PSMC5: variants seen among roughly 807,000 people sequenced by gnomAD.
The protein encoded by PSMC5 is proteasome 26S subunit, ATPase 5.
Under a neutral mutation model 49.1 loss-of-function variants are expected in PSMC5, and 11 were observed. That is an observed-to-expected ratio of 0.22 (90% CI 0.14 to 0.37). The LOEUF (loss-of-function observed/expected upper bound fraction) is 0.37, where lower values mean the gene tolerates loss of function less well. PSMC5 is among the 10% of genes least tolerant of loss of function. The pLI is 1.00. For synonymous variants in PSMC5, 206 were observed against 192.2 expected (o/e 1.07, Z -0.59); for missense variants, 229 against 520.9 (o/e 0.44, Z 5.45).
chr17:63,830,695 C>CTTTTTTTT lies in PSMC5; in HGVS notation c.553-109_553-102dup. Reference sequence around the variant, plus strand: ...TTGGATAGAAGGGACCTTGATGTTCCTTTTTTTTTTTTGTATCCCTAACAT... The same window carrying CTTTTTTTT: ...TTGGATAGAAGGGACCTTGATGTTCCTTTTTTTTTTTTTTTTTTTTGTATCCCTAACAT... On this transcript the variant is annotated intron_variant, in intron 6 of 11. Transcript: ENST00000310144. This position sits in a 1 kb window ranked among gnomAD's most constrained non-coding sequence, Gnocchi z 4.0. 4 of 1,243,506 alleles carry CTTTTTTTT rather than the reference C, an allele frequency of 3.2e-6. No individual in the cohort carries two copies. In the African/African-American group the frequency reaches 6.4e-5, roughly 20 times the overall value. 77.0% of individuals were successfully genotyped at this position (1,243,506 alleles called of 1,614,324 possible). A position where few individuals can be genotyped will look rare whatever the true frequency, so the allele number is the denominator to read the frequency against.
Position 63,830,012 on chromosome 17 carries a change from T to C in PSMC5, c.264+63T>C. The C allele has an allele frequency of 1.9e-6, 3 of 1,565,560 alleles. No individual in the cohort carries two copies. The highest frequency in any genetic ancestry group is 1.8e-5 in the Admixed American group (1 of 56,762). ...CACTGCATTCCCACCCCTTTGTGTG[T>C]AGCCTCGGGAGACAGGGTTCTGTGT... On this transcript the variant is annotated intron_variant, in intron 4 of 11. Coordinates refer to ENST00000310144, the MANE Select transcript of PSMC5 (RefSeq NM_002805.6). This position sits in a 1 kb window ranked among gnomAD's most constrained non-coding sequence, Gnocchi z 4.0.
At chr17:63,828,835 G>A (rs2040145693) in intron 2 of PSMC5, 1 of 153,930 alleles carries the variant, frequency 6.5e-6, no homozygotes. Context: ...ACGGTAGGCT[G>A]TTAGTAGTTT....
chr17:63,828,003 C>T (rs1183925289), intron 1 of PSMC5, 135 bp from the exon 2 acceptor site: 3 of 1,296,654 alleles, frequency 2.3e-6, no homozygotes, highest in Non-Finnish European at 3.2e-6. Context: ...GAACCCAGAT[C>T]CTGAGCCTCC....
intron 2 of PSMC5, 110 bp downstream of exon 2, chr17:63,828,319 T>G (rs1165805068): frequency 3.7e-6 from 4 of 1,075,332 alleles, no homozygotes; most frequent in East Asian, 2.5e-5. Context: ...AGCTGCTGCT[T>G]CTCCTTTCTT....
In PSMC5 at chr17:63,830,952, A is replaced by G. The variant is rs1479426278; in HGVS notation, c.679+17A>G. Reference sequence around the variant, plus strand: ...TAGGGGAAGGTAACCATGGCTAGCAATGTGAGAAGCAAGAGGTAGGGGTAG... The same window carrying G: ...TAGGGGAAGGTAACCATGGCTAGCAGTGTGAGAAGCAAGAGGTAGGGGTAG... On this transcript the variant is annotated intron_variant, in intron 7 of 11. Coordinates refer to ENST00000310144, the MANE Select transcript of PSMC5 (RefSeq NM_002805.6). The surrounding 1 kb of genome is among the most constrained non-coding windows in gnomAD (Gnocchi z 4.0). The G allele has an allele frequency of 6.2e-7, 1 of 1,614,014 alleles. No individual in the cohort carries two copies. The highest frequency in any genetic ancestry group is 8.5e-7 in the Non-Finnish European group (1 of 1,179,974).
chr17:63,830,770 G>C lies in PSMC5; in HGVS notation c.553-39G>C, dbSNP rs765206617. 1 of 1,611,580 alleles carries C rather than the reference G, an allele frequency of 6.2e-7. No individual in the cohort carries two copies. Among genetic ancestry groups the C allele is most frequent in the East Asian group, 2.2e-5 (1 of 44,874 alleles). On this transcript the variant is annotated intron_variant, in intron 6 of 11. Transcript: ENST00000310144. This position sits in a 1 kb window ranked among gnomAD's most constrained non-coding sequence, Gnocchi z 4.0. ...AAATGTTCACTGAATGAAATGAGGGGTGTAGCTTTCTGCCCTGAGTCCTGC... is the reference window on the plus strand; with the variant it reads ...AAATGTTCACTGAATGAAATGAGGGCTGTAGCTTTCTGCCCTGAGTCCTGC...
Position 63,829,951 on chromosome 17 carries a change from TA to T in PSMC5, c.264+6del. ...GATAAGAAGAAAGTGTTGGTCAAGG[TA>T]AAAGCAGCATGACCCCAGGGACCAG... On this transcript the variant is annotated splice_donor_region_variant and intron_variant, in intron 4 of 11. Coordinates refer to ENST00000310144, the MANE Select transcript of PSMC5 (RefSeq NM_002805.6). The T allele has an allele frequency of 6.2e-7, 1 of 1,607,070 alleles. No homozygotes were observed. Among genetic ancestry groups the T allele is most frequent in the Non-Finnish European group, 8.5e-7 (1 of 1,176,466 alleles).
intron 2 of PSMC5, 108 bp downstream of exon 2, chr17:63,828,317 C>T: frequency 1.9e-6 from 2 of 1,073,458 alleles, no homozygotes; most frequent in Non-Finnish European, 2.7e-6. Flanking sequence ...GAAGCTGCTG[C>T]TTCTCCTTTC....
intron 3 of PSMC5, 86 bp from the exon 4 acceptor site, chr17:63,829,766 G>C: frequency 7.0e-7 from 1 of 1,423,054 alleles, no homozygotes. Context: ...TTTAATAAGA[G>C]TGATGCTTAG....
At chr17:63,829,990 T>C in intron 4 of PSMC5, 41 bp downstream of exon 4, 1 of 1,580,250 alleles carries the variant, frequency 6.3e-7, no homozygotes, top group East Asian at 2.2e-5. Flanking sequence ...CGGTCTCCAC[T>C]GCATTCCCAC....
At position 63,831,052 on chromosome 17, in the gene PSMC5, G is replaced by A. The variant is rs1432076278; in HGVS notation, c.696G>A (p.Arg232=). 6.4e-7 allele frequency: 1 copy of A among 1,570,660 alleles called. No individual in the cohort carries two copies. Among genetic ancestry groups the A allele is most frequent in the East Asian group, 2.2e-5 (1 of 44,526 alleles). The change falls in exon 8 of 12, where the codon AGG becomes AGA. Residue 232 remains arginine (R), a synonymous_variant. Transcript: ENST00000310144. The surrounding 1 kb of genome is among the most constrained non-coding windows in gnomAD (Gnocchi z 6.3). Reference sequence around the variant, plus strand: ...TCCACACAGGGGCAAGAATGGTGAGGGAGCTGTTTGTCATGGCACGGGAAC... The same window carrying A: ...TCCACACAGGGGCAAGAATGGTGAGAGAGCTGTTTGTCATGGCACGGGAAC... ...KFIGEGARMV[R]ELFVMAREHA...
intron 2 of PSMC5, 74 bp downstream of exon 2, chr17:63,828,283 A>G: frequency 6.8e-7 from 1 of 1,479,588 alleles, no homozygotes; most frequent in South Asian, 1.2e-5. Context: ...AAATCCATCT[A>G]ATTCCTTTGG....
intron 1 of PSMC5, chr17:63,827,903 T>C (rs1009445517): frequency 2.1e-6 from 3 of 1,411,476 alleles, no homozygotes; most frequent in Non-Finnish European, 2.8e-6. Context: ...CGCCTCTCGG[T>C]CCTCCTAAAA....
intron 1 of PSMC5, 121 bp from the exon 2 acceptor site, chr17:63,828,017 G>A (rs1308985077): frequency 2.2e-6 from 3 of 1,360,302 alleles, no homozygotes; most frequent in Non-Finnish European, 3.1e-6. Flanking sequence ...AGCCTCCGAA[G>A]TCCAAACTTT....
intron 2 of PSMC5, chr17:63,828,973 G>A (rs554845444): frequency 6.5e-6 from 1 of 153,810 alleles, no homozygotes; most frequent in African/African-American, 2.4e-5. Context: ...TGCATTTGCA[G>A]GTATTATGTT....
chr17:63,830,088 G>C lies in PSMC5; in HGVS notation c.265-45G>C. ...ATAGGTCTTCCTGGGTAGGATTAGT[G>C]ATTTGGTGGCTGTCAAGGAAGGTCA... On this transcript the variant is annotated intron_variant, in intron 4 of 11. Coordinates refer to ENST00000310144, the MANE Select transcript of PSMC5 (RefSeq NM_002805.6). The surrounding 1 kb of genome is among the most constrained non-coding windows in gnomAD (Gnocchi z 4.0). 1 of 1,601,946 alleles carries C rather than the reference G, an allele frequency of 6.2e-7. No individual in the cohort carries two copies. The highest frequency in any genetic ancestry group is 8.5e-7 in the Non-Finnish European group (1 of 1,173,572).
rs753512216 is a variant in PSMC5 at position 63,831,721 on chromosome 17, C to G, written c.1081-3C>G. On this transcript the variant is annotated splice_region_variant and splice_polypyrimidine_tract_variant and intron_variant, in intron 10 of 11. Transcript: ENST00000310144. The surrounding 1 kb of genome is among the most constrained non-coding windows in gnomAD (Gnocchi z 6.3). ...GGGGCCTCAATTTCCTTTTCCTGTT[C>G]AGGGCGTGTGCACAGAAGCTGGCAT... 5.6e-6 allele frequency: 9 copies of G among 1,614,038 alleles called. No individual in the cohort carries two copies. In the East Asian group the frequency reaches 6.7e-5, roughly 12 times the overall value.
At position 63,831,141 on chromosome 17, in the gene PSMC5, G is replaced by T; in HGVS notation, c.785G>T (p.Gly262Val). Residue 262 changes from glycine to valine, a missense_variant, in exon 8 of 12, where the codon GGT (glycine) becomes GTT (valine). Gly to Val is a moderately radical substitution (Grantham distance 109). Around this residue, in one of 4 missense-constraint regions of PSMC5, gnomAD observed 121 missense variants for 330.6 expected, o/e 0.37. Coordinates refer to ENST00000310144, the MANE Select transcript of PSMC5 (RefSeq NM_002805.6). The surrounding 1 kb of genome is among the most constrained non-coding windows in gnomAD (Gnocchi z 6.3). ...ATCGGCTCCTCGCGGCTGGAGGGGG[G>T]TTCTGGAGGGGACAGTGAAGTGCAG... ...DSIGSSRLEG[G>V]SGGDSEVQRT... is the part of the protein sequence containing the mutation. The T allele has an allele frequency of 6.4e-7, 1 of 1,567,322 alleles. No homozygotes were observed. The highest frequency in any genetic ancestry group is 8.6e-7 in the Non-Finnish European group (1 of 1,156,100).
rs531904242 is a variant in PSMC5, at chr17:63,828,483, C to T, written c.96+274C>T. On this transcript the variant is annotated intron_variant, in intron 2 of 11. Transcript: ENST00000310144. ...AAAGGTACCTCTAGCCAAAGGTCAA[C>T]CCTTTTGGAAGAAGCCCGAATGAAA... is the stretch of plus-strand genomic sequence containing the variant. 1.2e-5 allele frequency: 4 copies of T among 324,816 alleles called. No homozygotes were observed. The East Asian group carries it at 2.2e-4, about 18-fold the overall frequency. The allele number at this position is 324,816 out of a possible 1,614,324, so 20.1% of individuals were successfully genotyped here. A position where few individuals can be genotyped will look rare whatever the true frequency, so the allele number is the denominator to read the frequency against.
Sources: gnomAD v4.1 joint callset for allele counts on GRCh38, gnomAD v4.1.1 for gene constraint, gnomAD v4.1.1 regional missense constraint, Gnocchi (gnomAD v3.1) non-coding constraint, MANE v1.5 for transcripts, NCBI Gene and HGNC (gene_info 2026-07-23, HGNC 2026-07-21) for gene names.